CHD2: variants seen among roughly 807,000 people sequenced by gnomAD.
CHD2 encodes the protein chromodomain helicase DNA binding protein 2.
Under a neutral mutation model 243.9 loss-of-function variants are expected in CHD2, and 28 were observed. The ratio of observed to expected loss-of-function variants is 0.11; its 90% CI spans 0.09 to 0.16. CHD2 has a LOEUF of 0.16. Ranked by LOEUF, CHD2 falls within the 10% of genes least tolerant of loss-of-function variation. The probability of loss-of-function intolerance (pLI) is 1.00; values close to 1 mark genes in which losing one functional copy is unlikely to be tolerated. For synonymous variants in CHD2, 775 were observed against 779.0 expected (o/e 0.99, Z 0.09); for missense variants, 1,386 against 2,209.8 (o/e 0.63, Z 7.47).
intron 2 of CHD2, among the ~76,000 whole-genome samples, chr15:92,907,542 C>G (rs1463577844): frequency 6.6e-6 from 1 of 152,170 alleles, no homozygotes; most frequent in Non-Finnish European, 1.5e-5. Context: ...TACCTCTGTG[C>G]CTGGCAAGAG....
chr15:92,969,234 A>G (rs2053807712), intron 17 of CHD2, among the ~76,000 whole-genome samples: 1 of 152,192 alleles, frequency 6.6e-6, no homozygotes, highest in South Asian at 2.1e-4. Context: ...ATCACTTGCA[A>G]TTTAAGAGTC....
intron 37 of CHD2, among the ~76,000 whole-genome samples, chr15:93,016,648 G>T (rs893998398): frequency 6.6e-6 from 1 of 152,036 alleles, no homozygotes; most frequent in Non-Finnish European, 1.5e-5. Context: ...TTAGCTAGGC[G>T]TAGTGGCGTA....
At chr15:93,012,101 T>C (rs944099756) in intron 35 of CHD2, among the ~76,000 whole-genome samples, 1 of 152,174 alleles carries the variant, frequency 6.6e-6, no homozygotes, top group African/African-American at 2.4e-5. Flanking sequence ...CATTATAACA[T>C]TGATGAGAAA....
rs1444743778 is a variant in CHD2, at chr15:92,946,075, A to G, written c.1236A>G (p.Glu412=). 2 of 1,606,634 alleles carry G rather than the reference A, an allele frequency of 1.2e-6. No individual in the cohort carries two copies. The highest frequency in any genetic ancestry group is 2.2e-5 in the South Asian group (2 of 89,822). The change falls in exon 12 of 39, where the codon GAA becomes GAG. Residue 412 remains glutamate (E), a synonymous_variant. Transcript: ENST00000394196. ...SRKPAPSNEP[E]YLCKWMGLPY... ...AGCCGGCACCCTCAAATGAGCCCGA[A>G]TATCTATGTAAATGGATGGGACTCC... is the stretch of plus-strand genomic sequence containing the variant.
intron 17 of CHD2, among the ~76,000 whole-genome samples, chr15:92,970,624 A>G (rs1423570067): frequency 6.6e-6 from 1 of 152,220 alleles, no homozygotes; most frequent in Non-Finnish European, 1.5e-5. Context: ...GTGGTAGCAT[A>G]CCGTATACAC....
At chr15:93,012,069 G>A (rs1179126628) in intron 35 of CHD2, among the ~76,000 whole-genome samples, 1 of 152,046 alleles carries the variant, frequency 6.6e-6, no homozygotes, top group African/African-American at 2.4e-5. Context: ...CTCACATAAC[G>A]TTGTTTCCTT....
chr15:92,948,376 T>C (rs1424897964), intron 12 of CHD2, among the ~76,000 whole-genome samples: 2 of 152,196 alleles, frequency 1.3e-5, no homozygotes, highest in Non-Finnish European at 2.9e-5. Context: ...TGCCATATAA[T>C]AGACAAGACC....
intron 28 of CHD2, among the ~76,000 whole-genome samples, chr15:92,993,963 C>T (rs2054155430): frequency 6.6e-6 from 1 of 152,036 alleles, no homozygotes; most frequent in Non-Finnish European, 1.5e-5. Flanking sequence ...CAGAGCGAAA[C>T]CCTGTCTCAA....
At chr15:92,910,804 T>G (rs1048036965) in intron 2 of CHD2, among the ~76,000 whole-genome samples, 1 of 152,244 alleles carries the variant, frequency 6.6e-6, no homozygotes. Flanking sequence ...TGTACGGTCA[T>G]GTGTTGCTTA....
chr15:92,906,568 T>C (rs1467293969), intron 2 of CHD2, among the ~76,000 whole-genome samples: 1 of 152,114 alleles, frequency 6.6e-6, no homozygotes, highest in Non-Finnish European at 1.5e-5. Flanking sequence ...TCCTATCATT[T>C]CTCCCATAAA....
rs2054517021 is a variant in CHD2, at chr15:93,020,258, G to A, written c.5153G>A (p.Arg1718Lys). ...CGGGGACACAGAGATTATTATGACA[G>A]GTATGCAAAAGGCTGTGAGACACCA... ...DHRGHRDYYD[R>K]HHHDSKRRRS... is the part of the protein sequence containing the mutation. Residue 1718 changes from arginine to lysine, a missense_variant and splice_region_variant, in exon 38 of 39, where the codon AGG (arginine) becomes AAG (lysine). Transcript: ENST00000394196. 1 of 1,614,020 alleles carries A rather than the reference G, an allele frequency of 6.2e-7. No individual in the cohort carries two copies. Among genetic ancestry groups the A allele is most frequent in the African/African-American group, 1.3e-5 (1 of 74,910 alleles).
At chr15:92,980,662 A>G (rs918258375) in intron 22 of CHD2, among the ~76,000 whole-genome samples, 153 bp from the exon 23 acceptor site, 2 of 152,246 alleles carry the variant, frequency 1.3e-5, no homozygotes, top group Admixed American at 1.3e-4. Context: ...CATCCTGTAG[A>G]TAGAAAATGC....
At chr15:92,994,061 A>AT (rs921178775) in intron 28 of CHD2, among the ~76,000 whole-genome samples, 1 of 152,142 alleles carries the variant, frequency 6.6e-6, no homozygotes, top group Non-Finnish European at 1.5e-5. Context: ...CCATTTCTGC[A>AT]TTTTTTGGGG....
chr15:92,957,421 A>G (rs1399815533), intron 16 of CHD2, among the ~76,000 whole-genome samples: 1 of 152,234 alleles, frequency 6.6e-6, no homozygotes, highest in Non-Finnish European at 1.5e-5. Flanking sequence ...CAGATTGCCT[A>G]ACCTAAAGTA....
At chr15:92,924,683 G>T in intron 3 of CHD2, 131 bp downstream of exon 3, 1 of 692,814 alleles carries the variant, frequency 1.4e-6, no homozygotes, top group Non-Finnish European at 2.5e-6. Flanking sequence ...GTAATATACA[G>T]TAGTATATCT....
At chr15:92,987,336 G>T (rs892044590) in intron 26 of CHD2, among the ~76,000 whole-genome samples, 1 of 151,978 alleles carries the variant, frequency 6.6e-6, no homozygotes, top group Non-Finnish European at 1.5e-5. Context: ...GGTGGTTCAC[G>T]CCTGTAATCC....
In CHD2 at chr15:93,027,167, AT is replaced by A; in HGVS notation, c.*2465del. The stretch of plus-strand genomic sequence containing the variant: ...GGAAAAAGGAAGCATTTCTTCATTG[AT>A]TTAAATCAGTATGAATATTATATGC... On this transcript the variant is annotated 3_prime_UTR_variant, in exon 39 of 39. Transcript: ENST00000394196. 1 of 152,728 alleles carries A rather than the reference AT, an allele frequency of 6.5e-6. No homozygotes were observed. Among genetic ancestry groups the A allele is most frequent in the South Asian group, 2.1e-4 (1 of 4,832 alleles). The allele number at this position is 152,728 out of a possible 1,614,324, so 9.5% of individuals were successfully genotyped here. A position where few individuals can be genotyped will look rare whatever the true frequency, so the allele number is the denominator to read the frequency against.
intron 33 of CHD2, among the ~76,000 whole-genome samples, chr15:93,002,741 C>T (rs2054273418): frequency 6.6e-6 from 1 of 152,114 alleles, no homozygotes; most frequent in Non-Finnish European, 1.5e-5. Flanking sequence ...GATGAAAAGC[C>T]TTGCTATTAT....
At chr15:92,916,003 A>G (rs1489808506) in intron 2 of CHD2, among the ~76,000 whole-genome samples, 1 of 134,152 alleles carries the variant, frequency 7.5e-6, no homozygotes, top group African/African-American at 2.7e-5. Context: ...ATAAATGACT[A>G]TGCCTCTACT....
Sources: gnomAD v4.1 joint callset for allele counts (sites outside exome capture counted in the v4.1 genomes callset) on GRCh38, gnomAD v4.1.1 for gene constraint, MANE v1.5 for transcripts, NCBI Gene and HGNC (gene_info 2026-07-23, HGNC 2026-07-21) for gene names.